The following KYNU variants were observed in gnomAD, a reference collection of about 807,000 sequenced individuals.
KYNU encodes L-kynurenine hydrolase.
A neutral mutation model predicts 59.2 loss-of-function variants in KYNU; 54 were observed. The observed-to-expected ratio is 0.91, with a 90% confidence interval of 0.73 to 1.14. The LOEUF (loss-of-function observed/expected upper bound fraction) is 1.14, where lower values mean the gene tolerates loss of function less well. Ranked by LOEUF, KYNU falls within the 50% of genes most tolerant of loss-of-function variation. The pLI, the probability that KYNU is intolerant of heterozygous loss-of-function variation, is 0.00. For synonymous variants in KYNU, 177 were observed against 192.0 expected (o/e 0.92, Z 0.65); for missense variants, 567 against 554.4 (o/e 1.02, Z -0.23).
In KYNU at chr2:142,927,737, TGTAG is replaced by T. The variant is rs1683090143; in HGVS notation, c.373_373+3del. 1.2e-6 allele frequency: 2 copies of T among 1,605,014 alleles called. No individual in the cohort carries two copies. Among genetic ancestry groups the T allele is most frequent in the Non-Finnish European group, 1.7e-6 (2 of 1,171,922 alleles). ...GTATTGTAGGCCTTATGAAGGACAT[TGTAG>T]GTAAGTACAAAACACTGAAGTTTTT... On this transcript the variant is annotated frameshift_variant and splice_region_variant, in exon 4 of 14. Transcript: ENST00000264170. LOFTEE classifies it high-confidence loss of function.
intron 12 of KYNU, among the ~76,000 whole-genome samples, chr2:143,037,512 A>G (rs1233029727): frequency 1.3e-5 from 2 of 152,202 alleles, no homozygotes; most frequent in Admixed American, 6.5e-5. Context: ...AATGTACTAT[A>G]CGTTTCCTTT....
chr2:142,992,260 G>C (rs1685417101), intron 10 of KYNU, among the ~76,000 whole-genome samples: 1 of 151,486 alleles, frequency 6.6e-6, no homozygotes, highest in Non-Finnish European at 1.5e-5. Context: ...GGAATATCAG[G>C]CATTCAAGAT....
At chr2:142,928,727 G>T (rs565669542) in intron 4 of KYNU, among the ~76,000 whole-genome samples, 1 of 151,912 alleles carries the variant, frequency 6.6e-6, no homozygotes, top group Admixed American at 6.6e-5. Context: ...GTGAATAAGG[G>T]CTGGGCATAG....
intron 2 of KYNU, among the ~76,000 whole-genome samples, chr2:142,894,117 G>A (rs994131261): frequency 1.3e-5 from 2 of 152,064 alleles, no homozygotes; most frequent in African/African-American, 4.8e-5. Context: ...CTCGAAATAC[G>A]AAGTGTCTCT....
intron 10 of KYNU, chr2:142,989,923 G>A (rs1013342797): frequency 6.6e-6 from 1 of 151,818 alleles, no homozygotes; most frequent in Admixed American, 6.6e-5. Context: ...AATTGCATCT[G>A]TACCAAGAGA....
At chr2:142,946,376 A>G (rs1683780476) in intron 4 of KYNU, among the ~76,000 whole-genome samples, 1 of 152,140 alleles carries the variant, frequency 6.6e-6, no homozygotes. Flanking sequence ...CGGCTGCCAA[A>G]TTTTATTCTT....
chr2:142,941,780 G>A (rs1013555449), intron 4 of KYNU, among the ~76,000 whole-genome samples: 2 of 151,954 alleles, frequency 1.3e-5, no homozygotes, highest in Admixed American at 6.6e-5. Context: ...CATCTGTTTC[G>A]GTCTTTCAGA....
intron 10 of KYNU, among the ~76,000 whole-genome samples, chr2:143,010,864 G>C (rs1233772517): frequency 2.1e-5 from 3 of 145,300 alleles, no homozygotes; most frequent in African/African-American, 7.8e-5. Flanking sequence ...GCCATATGTA[G>C]GAAGCTGAAA....
chr2:142,973,959 A>T (rs1684813441), intron 8 of KYNU, among the ~76,000 whole-genome samples: 1 of 152,208 alleles, frequency 6.6e-6, no homozygotes, highest in Non-Finnish European at 1.5e-5. Flanking sequence ...AACACCCTCG[A>T]CATGTTCTAA....
In KYNU at chr2:143,049,760, T is replaced by C. The variant is rs1204849765; in HGVS notation, c.*7588T>C. The stretch of plus-strand genomic sequence containing the variant: ...ACTAGTTGATAGTCCATATCTAATA[T>C]ATAATGAATGTACAGTTGTTTCTGT... On this transcript the variant is annotated 3_prime_UTR_variant, in exon 14 of 14. Transcript: ENST00000264170. 1 of 152,172 alleles carries C rather than the reference T, an allele frequency of 6.6e-6. No homozygotes were observed. The highest frequency in any genetic ancestry group is 1.9e-4 in the East Asian group (1 of 5,200). The allele number at this position is 152,172 out of a possible 1,614,324, so 9.4% of individuals were successfully genotyped here. A position where few individuals can be genotyped will look rare whatever the true frequency, so the allele number is the denominator to read the frequency against.
chr2:143,004,630 G>A (rs1558970224), intron 10 of KYNU, among the ~76,000 whole-genome samples: 1 of 152,144 alleles, frequency 6.6e-6, no homozygotes, highest in East Asian at 1.9e-4. Flanking sequence ...TAACCAGGGA[G>A]GCGGAGGTTG....
chr2:142,915,153 T>A (rs1420017723), intron 2 of KYNU, among the ~76,000 whole-genome samples: 1 of 152,164 alleles, frequency 6.6e-6, no homozygotes, highest in Non-Finnish European at 1.5e-5. Flanking sequence ...TAGAAATATA[T>A]TGTATGAGGT....
In KYNU at chr2:143,044,514, T is replaced by C. The variant is rs1299438703; in HGVS notation, c.*2342T>C. 2 of 152,350 alleles carry C rather than the reference T, an allele frequency of 1.3e-5. No individual in the cohort carries two copies. The highest frequency in any genetic ancestry group is 1.5e-5 in the Non-Finnish European group (1 of 68,032). The allele number at this position is 152,350 out of a possible 1,614,324, so 9.4% of individuals were successfully genotyped here. ...CATCTGTTGTTTCTTGACTTTTTAA[T>C]GATTAGCATTCTAACTGGCGTGAGA... On this transcript the variant is annotated 3_prime_UTR_variant, in exon 14 of 14. Coordinates refer to ENST00000264170, the MANE Select transcript of KYNU (RefSeq NM_003937.3).
intron 10 of KYNU, among the ~76,000 whole-genome samples, chr2:143,021,113 G>T (rs1039223307): frequency 2.6e-5 from 4 of 151,856 alleles, no homozygotes; most frequent in Non-Finnish European, 5.9e-5. Flanking sequence ...CGTATCCTTT[G>T]GCCATTTTTC....
At chr2:142,888,978 A>G (rs954899397) in intron 2 of KYNU, among the ~76,000 whole-genome samples, 2 of 151,338 alleles carry the variant, frequency 1.3e-5, no homozygotes, top group Non-Finnish European at 2.9e-5. Flanking sequence ...ACCCACAGAA[A>G]TATGGTGAGG....
chr2:143,026,883 C>G (rs1573911969), intron 10 of KYNU, among the ~76,000 whole-genome samples: 1 of 152,336 alleles, frequency 6.6e-6, no homozygotes, highest in South Asian at 2.1e-4. Flanking sequence ...CGAAGTTACG[C>G]CACCAAGCTG....
At chr2:142,888,731 C>T (rs1303631189) in intron 2 of KYNU, among the ~76,000 whole-genome samples, 1 of 151,572 alleles carries the variant, frequency 6.6e-6, no homozygotes, top group African/African-American at 2.4e-5. Flanking sequence ...TATTCTCACG[C>T]CAGTTGCATC....
At position 143,050,663 on chromosome 2, in the gene KYNU, C is replaced by T. The variant is rs1409921538; in HGVS notation, c.*8491C>T. ...CATGTTGCTTTAACTTATTAAAAAA[C>T]AGACTGAAGAAAGACTGGGTGTGAA... On this transcript the variant is annotated 3_prime_UTR_variant, in exon 14 of 14. Transcript: ENST00000264170. 2 of 152,116 alleles carry T rather than the reference C, an allele frequency of 1.3e-5. No homozygotes were observed. The highest frequency in any genetic ancestry group is 3.8e-4 in the East Asian group (2 of 5,198). The allele number at this position is 152,116 out of a possible 1,614,324, so 9.4% of individuals were successfully genotyped here. A position where few individuals can be genotyped will look rare whatever the true frequency, so the allele number is the denominator to read the frequency against.
chr2:142,897,378 A>T (rs1280939500), intron 2 of KYNU, among the ~76,000 whole-genome samples: 1 of 152,208 alleles, frequency 6.6e-6, no homozygotes, highest in Non-Finnish European at 1.5e-5. Flanking sequence ...CACTGTTCCA[A>T]ATTGCTGAAA....
Sources: allele counts gnomAD v4.1 joint callset (sites outside exome capture counted in the v4.1 genomes callset), GRCh38; gene constraint gnomAD v4.1.1; transcripts MANE v1.5; gene names NCBI Gene and HGNC (gene_info 2026-07-23, HGNC 2026-07-21).